Variants in LARGE1 observed in about 807,000 individuals in gnomAD.
LARGE1 encodes xylosyl- and glucuronyltransferase LARGE1.
LARGE1 carries 43 observed loss-of-function variants against 87.6 expected under a neutral mutation model. The observed-to-expected ratio is 0.49, with a 90% CI of 0.38 to 0.63. The LOEUF is 0.63. Ranked by LOEUF, LARGE1 falls within the 30% of genes least tolerant of loss-of-function variation. The pLI is 0.00. For missense variants in LARGE1, 802 were observed against 1,000.2 expected, an observed-to-expected ratio of 0.80 and a Z score of 2.67; for synonymous variants, 434 against 394.6, an observed-to-expected ratio of 1.10 and a Z score of -1.18.
intron 11 of LARGE1, among the ~76,000 whole-genome samples, chr22:33,213,325 G>A (rs76436945): frequency 0.078 from 11,866 of 152,240 alleles, 743 homozygotes; most frequent in Middle Eastern, 0.19. Flanking sequence ...TGTGAACATT[G>A]TTAAAATGAC....
intron 3 of LARGE1, among the ~76,000 whole-genome samples, chr22:33,647,781 G>A (rs113062571): frequency 0.052 from 7,872 of 151,734 alleles, 633 homozygotes; most frequent in African/African-American, 0.18. Context: ...CTTTTGAGAC[G>A]GAGTTTTGCA....
intron 12 of LARGE1, among the ~76,000 whole-genome samples, chr22:33,292,200 A>C (rs5998850): frequency 0.24 from 37,098 of 152,056 alleles, 9,163 homozygotes; most frequent in African/African-American, 0.64. Flanking sequence ...TCTGACTTCC[A>C]AGCCTCTAGA....
chr22:33,261,649 T>C (rs1457594072), intron 11 of LARGE1, among the ~76,000 whole-genome samples: 1 of 151,988 alleles, frequency 6.6e-6, no homozygotes, highest in Admixed American at 6.6e-5. Context: ...AACCCTGTAT[T>C]TGATTCCAGA....
intron 4 of LARGE1, among the ~76,000 whole-genome samples, chr22:33,620,199 A>G (rs1001225392): frequency 1.3e-5 from 2 of 152,238 alleles, no homozygotes; most frequent in Non-Finnish European, 2.9e-5. Context: ...CAACTACTTG[A>G]TATGCAAAGT....
At chr22:33,384,892 CT>C (rs2065272363) in intron 7 of LARGE1, among the ~76,000 whole-genome samples, 1 of 148,794 alleles carries the variant, frequency 6.7e-6, no homozygotes. Flanking sequence ...CTAGGTTGAG[CT>C]GATAGGTGGA....
At chr22:33,285,087 G>A (rs1931263224) in intron 12 of LARGE1, among the ~76,000 whole-genome samples, 1 of 152,208 alleles carries the variant, frequency 6.6e-6, no homozygotes, top group Non-Finnish European at 1.5e-5. Context: ...GCTGGGACAA[G>A]TGGTCACTAT....
At chr22:33,690,702 T>G (rs2082075910) in intron 2 of LARGE1, among the ~76,000 whole-genome samples, 1 of 146,032 alleles carries the variant, frequency 6.8e-6, no homozygotes, top group Non-Finnish European at 1.5e-5. Context: ...GTAAGAGAAA[T>G]CCCGAGGCCC....
At chr22:33,175,183 C>A (rs552366206) in intron 11 of LARGE1, among the ~76,000 whole-genome samples, 4 of 152,130 alleles carry the variant, frequency 2.6e-5, no homozygotes, top group South Asian at 4.2e-4. Flanking sequence ...TCAACATCCA[C>A]AAATCAATGG....
intron 2 of LARGE1, among the ~76,000 whole-genome samples, chr22:33,653,455 G>A (rs534623153): frequency 3.3e-5 from 5 of 152,252 alleles, no homozygotes; most frequent in Non-Finnish European, 5.9e-5. Context: ...GAGCATTTGG[G>A]CAGAAATGCA....
At chr22:33,316,885 T>C (rs1472767952) in intron 10 of LARGE1, among the ~76,000 whole-genome samples, 2 of 152,130 alleles carry the variant, frequency 1.3e-5, no homozygotes, top group African/African-American at 2.4e-5. Flanking sequence ...TGAGAAATGT[T>C]TTCCTAGACA....
chr22:33,548,166 C>A (rs890334526), intron 6 of LARGE1, among the ~76,000 whole-genome samples: 2 of 152,150 alleles, frequency 1.3e-5, no homozygotes, highest in Admixed American at 1.3e-4. Flanking sequence ...GGCTTACCAC[C>A]ATCCCTTGGT....
At chr22:33,221,192 T>A (rs886292627) in intron 11 of LARGE1, among the ~76,000 whole-genome samples, 11 of 133,608 alleles carry the variant, frequency 8.2e-5, no homozygotes, top group Non-Finnish European at 1.6e-4. Flanking sequence ...AGAGAGGGAA[T>A]AACACAAAGG....
intron 6 of LARGE1, among the ~76,000 whole-genome samples, chr22:33,541,310 T>C (rs894252998): frequency 1.1e-4 from 17 of 151,980 alleles, no homozygotes; most frequent in African/African-American, 4.1e-4. Flanking sequence ...TTGACTTTTA[T>C]GTTTTAGCAT....
intron 2 of LARGE1, among the ~76,000 whole-genome samples, chr22:33,695,535 A>G (rs2082216850): frequency 6.6e-6 from 1 of 152,326 alleles, no homozygotes; most frequent in East Asian, 1.9e-4. Context: ...ATGAACATAT[A>G]TATAGCTGCC....
At chr22:33,262,770 T>C (rs567269268) in intron 11 of LARGE1, among the ~76,000 whole-genome samples, 1 of 143,828 alleles carries the variant, frequency 7.0e-6, no homozygotes, top group African/African-American at 2.5e-5. Context: ...TCCCTTCCCT[T>C]TCCTTCCTTC....
chr22:33,103,004 C>T, the LARGE1 span, among the ~76,000 whole-genome samples: 658 of 152,212 alleles, frequency 4.3e-3, 6 homozygotes, highest in Admixed American at 6.3e-3. Context: ...AATTTTTGGA[C>T]GTCCCCTAGG....
chr22:33,205,491 TAAAAA>T (rs1924629704), intron 11 of LARGE1, among the ~76,000 whole-genome samples: 1 of 152,108 alleles, frequency 6.6e-6, no homozygotes, highest in Non-Finnish European at 1.5e-5. Context: ...AACAAATAAA[TAAAAA>T]GAGAGTTTCA....
chr22:33,530,461 CTTTTT>C (rs5845091), intron 6 of LARGE1, among the ~76,000 whole-genome samples: 3 of 128,920 alleles, frequency 2.3e-5, no homozygotes, highest in Non-Finnish European at 3.3e-5. Context: ...CTTGCTGAGG[CTTTTT>C]TTTTTTTTTT....
chr22:33,366,647 T>C (rs886715100), intron 9 of LARGE1, among the ~76,000 whole-genome samples: 1 of 152,236 alleles, frequency 6.6e-6, no homozygotes, highest in Non-Finnish European at 1.5e-5. Flanking sequence ...GCAATCTTCC[T>C]GTCTTTGTGA....
Sources: allele counts gnomAD v4.1 joint callset (sites outside exome capture counted in the v4.1 genomes callset), GRCh38; gene constraint gnomAD v4.1.1; transcripts MANE v1.5; gene names NCBI Gene and HGNC (gene_info 2026-07-23, HGNC 2026-07-21).